The following HECW2 variants were observed in gnomAD, a reference collection of about 807,000 sequenced individuals.
HECW2 encodes HECT, C2 and WW domain containing E3 ubiquitin protein ligase 2.
Under a neutral mutation model 175.2 loss-of-function variants are expected in HECW2, and 61 were observed. That is an observed-to-expected ratio of 0.35 (90% CI 0.28 to 0.43). HECW2 has a LOEUF of 0.43. Ranked by LOEUF, HECW2 falls within the 20% of genes least tolerant of loss-of-function variation. The probability of loss-of-function intolerance (pLI) is 1.00; values close to 1 mark genes in which losing one functional copy is unlikely to be tolerated. For synonymous variants in HECW2, 671 were observed against 731.0 expected (o/e 0.92, Z 1.32); for missense variants, 1,524 against 2,000.5 (o/e 0.76, Z 4.54).
chr2:196,322,650 T>C (rs1691992363), intron 6 of HECW2, 30 bp from the exon 7 acceptor site: 2 of 1,589,294 alleles, frequency 1.3e-6, no homozygotes, highest in South Asian at 2.2e-5. Flanking sequence ...ACATGCTGGT[T>C]TAAAAGAAAG....
At chr2:196,352,216 A>G (rs1693194397) in intron 2 of HECW2, among the ~76,000 whole-genome samples, 1 of 152,160 alleles carries the variant, frequency 6.6e-6, no homozygotes, top group South Asian at 2.1e-4. Flanking sequence ...CAATCATGGC[A>G]CCACCAGGCC....
At chr2:196,509,736 T>A (rs1040674686) in intron 1 of HECW2, among the ~76,000 whole-genome samples, 19 of 152,176 alleles carry the variant, frequency 1.2e-4, no homozygotes, top group African/African-American at 4.6e-4. Context: ...ATTGCCAGAA[T>A]CCCATTCTAT....
chr2:196,327,555 G>C (rs922559126), intron 5 of HECW2, among the ~76,000 whole-genome samples: 1 of 152,146 alleles, frequency 6.6e-6, no homozygotes, highest in African/African-American at 2.4e-5. Context: ...AAGTATTTGT[G>C]CCCCTACCTA....
At chr2:196,549,055 A>G (rs74919448) in intron 1 of HECW2, among the ~76,000 whole-genome samples, 1 of 152,238 alleles carries the variant, frequency 6.6e-6, no homozygotes, top group African/African-American at 2.4e-5. Flanking sequence ...ACACAATCCA[A>G]CCCCACAAAC....
intron 13 of HECW2, among the ~76,000 whole-genome samples, chr2:196,305,346 C>A (rs1475313054): frequency 6.6e-6 from 1 of 152,118 alleles, no homozygotes; most frequent in Non-Finnish European, 1.5e-5. Flanking sequence ...CTGCTCCAAG[C>A]TAAACCTGTA....
At position 196,228,126 on chromosome 2, in the gene HECW2, G is replaced by A; in HGVS notation, c.3893C>T (p.Ala1298Val). The change falls in exon 22 of 29, where the codon GCT becomes GTT. Residue 1298 changes from alanine (A) to valine (V), a missense_variant. Coordinates refer to ENST00000644978, the MANE Select transcript of HECW2 (RefSeq NM_001348768.2). ...TYTVQISPMS[A>V]FVDNHHEWFR... ...CCATTCATGGTGATTGTCTACAAAA[G>A]CAGACATAGGACTTATTTGTACTGT... is the stretch of plus-strand genomic sequence containing the variant. 6.3e-7 allele frequency: 1 copy of A among 1,590,146 alleles called. No homozygotes were observed. Among genetic ancestry groups the A allele is most frequent in the Non-Finnish European group, 8.5e-7 (1 of 1,170,360 alleles).
chr2:196,292,828 G>A, intron 13 of HECW2, 78 bp from the exon 14 acceptor site: 1 of 1,109,416 alleles, frequency 9.0e-7, no homozygotes, highest in Non-Finnish European at 1.3e-6. Context: ...CATGGGTATG[G>A]CTAATCTTCC....
At chr2:196,271,738 C>T (rs1689748098) in intron 16 of HECW2, among the ~76,000 whole-genome samples, 1 of 152,108 alleles carries the variant, frequency 6.6e-6, no homozygotes, top group Non-Finnish European at 1.5e-5. Flanking sequence ...GAACTTGTTT[C>T]TATTGAAAAA....
chr2:196,419,623 C>T (rs549549162), intron 2 of HECW2, among the ~76,000 whole-genome samples: 1 of 152,140 alleles, frequency 6.6e-6, no homozygotes, highest in Non-Finnish European at 1.5e-5. Flanking sequence ...TTATATCTCA[C>T]CTATTATGAG....
chr2:196,353,233 T>C (rs1344558294), intron 2 of HECW2, among the ~76,000 whole-genome samples: 1 of 152,294 alleles, frequency 6.6e-6, no homozygotes, highest in Admixed American at 6.5e-5. Flanking sequence ...CTGTTATGGC[T>C]CAATTCCTCC....
At chr2:196,364,378 G>A (rs184688896) in intron 2 of HECW2, among the ~76,000 whole-genome samples, 188 of 152,256 alleles carry the variant, frequency 1.2e-3, no homozygotes, top group African/African-American at 3.9e-3. Context: ...GAATGTTGGA[G>A]CTTCAATTTC....
chr2:196,487,472 TG>T (rs1442382768), intron 1 of HECW2, among the ~76,000 whole-genome samples: 18 of 152,140 alleles, frequency 1.2e-4, no homozygotes, highest in Admixed American at 1.1e-3. Context: ...TCTGGGAAAA[TG>T]TAACCTTATC....
Position 196,215,874 on chromosome 2 carries a change from G to T in HECW2, c.4598C>A (p.Ala1533Asp). 6.2e-7 allele frequency: 1 copy of T among 1,604,286 alleles called. No homozygotes were observed. The highest frequency in any genetic ancestry group is 8.5e-7 in the Non-Finnish European group (1 of 1,171,090). The change falls in exon 28 of 29, where the codon GCT (alanine) becomes GAT (aspartate). Residue 1533 changes from alanine to aspartate, a missense_variant. Physicochemically the swap from Ala to Asp is moderately radical, Grantham distance 126. Transcript: ENST00000644978. Reference sequence around the variant, plus strand: ...TTATTTTATATTTTACCTGGGAAGAGCAGTGATTTTCCCCCATTTCTCCAC... The same window carrying T: ...TTATTTTATATTTTACCTGGGAAGATCAGTGATTTTCCCCCATTTCTCCAC... ...FCVEKWGKIT[A>D]LPRAHTCFNR...
At chr2:196,518,482 C>T (rs971643695) in intron 1 of HECW2, among the ~76,000 whole-genome samples, 3 of 151,658 alleles carry the variant, frequency 2.0e-5, no homozygotes, top group African/African-American at 4.8e-5. Flanking sequence ...ATCATGAAAC[C>T]CCATCTCTAT....
intron 1 of HECW2, among the ~76,000 whole-genome samples, chr2:196,565,089 C>A (rs1690135670): frequency 6.6e-6 from 1 of 151,920 alleles, no homozygotes; most frequent in Admixed American, 6.6e-5. Context: ...CCCAATGCTC[C>A]CCACTAACTT....
At chr2:196,435,454 G>A (rs1177621239) in intron 1 of HECW2, among the ~76,000 whole-genome samples, 1 of 152,138 alleles carries the variant, frequency 6.6e-6, no homozygotes, top group Non-Finnish European at 1.5e-5. Flanking sequence ...CTAACACATT[G>A]TAGTTGAATA....
intron 1 of HECW2, among the ~76,000 whole-genome samples, chr2:196,471,751 T>C (rs11895420): frequency 0.014 from 2,059 of 152,062 alleles, 39 homozygotes; most frequent in African/African-American, 0.048. Context: ...CACTTACAAG[T>C]AGGGGCTAAA....
chr2:196,546,105 A>G (rs1029430487), intron 1 of HECW2, among the ~76,000 whole-genome samples: 4 of 152,244 alleles, frequency 2.6e-5, no homozygotes, highest in Non-Finnish European at 4.4e-5. Context: ...TAAGAAATTC[A>G]GAGGACAAAA....
chr2:196,401,927 G>A (rs982672858), intron 2 of HECW2, among the ~76,000 whole-genome samples: 1 of 152,042 alleles, frequency 6.6e-6, no homozygotes, highest in African/African-American at 2.4e-5. Context: ...CTTGCCAGGC[G>A]CGGTGGCTCA....
Sources: gnomAD v4.1 joint callset for allele counts (sites outside exome capture counted in the v4.1 genomes callset) on GRCh38, gnomAD v4.1.1 for gene constraint, MANE v1.5 for transcripts, NCBI Gene and HGNC (gene_info 2026-07-23, HGNC 2026-07-21) for gene names.